The following ADAMTSL1 variants were observed in gnomAD, a reference collection of about 807,000 sequenced individuals.
ADAMTSL1 encodes the protein ADAMTS like 1, also known as ADAMTS-like protein 1.
Under a neutral mutation model 201.8 loss-of-function variants are expected in ADAMTSL1, and 126 were observed. The ratio of observed to expected loss-of-function variants is 0.62; its 90% confidence interval spans 0.54 to 0.72. The LOEUF is 0.72. Among genes scored for constraint, ADAMTSL1 ranks in the 30% least tolerant of loss-of-function variants. The pLI is 0.00. For synonymous variants in ADAMTSL1, 1,121 were observed against 903.4 expected (o/e 1.24, Z -4.32); for missense variants, 2,679 against 2,277.8 (o/e 1.18, Z -3.59).
chr9:18,227,342 T>A (rs1416538300), intron 2 of ADAMTSL1, among the ~76,000 whole-genome samples: 1 of 152,156 alleles, frequency 6.6e-6, no homozygotes, highest in African/African-American at 2.4e-5. Context: ...CAGATTCTCA[T>A]CTTAGTGGGA....
At chr9:18,119,408 C>A (rs915621735) in intron 1 of ADAMTSL1, among the ~76,000 whole-genome samples, 3 of 152,024 alleles carry the variant, frequency 2.0e-5, no homozygotes, top group African/African-American at 7.2e-5. Flanking sequence ...TTCTCCTATT[C>A]TCCTGCCTCA....
chr9:18,700,816 A>G lies in ADAMTSL1; in HGVS notation c.1575-5931A>G, dbSNP rs567541897. Among the ~76,000 whole-genome samples, 6 of 152,322 alleles carry G rather than the reference A, an allele frequency of 3.9e-5. No homozygotes were observed. The South Asian group carries it at 6.2e-4, about 16-fold the overall frequency. ...ATCCCTCTGTGGCCACTTGTTAATG[A>G]TAAGATTTTTAAAAGGGAAAATCCA... is the stretch of plus-strand genomic sequence containing the variant. On this transcript the variant is annotated intron_variant, in intron 13 of 28. Coordinates refer to ENST00000380548, the MANE Select transcript of ADAMTSL1 (RefSeq NM_001040272.6).
intron 23 of ADAMTSL1, among the ~76,000 whole-genome samples, chr9:18,870,793 C>T (rs1028475988): frequency 6.6e-6 from 1 of 151,876 alleles, no homozygotes; most frequent in Admixed American, 6.6e-5. Flanking sequence ...AATTGTTTTT[C>T]TCGGGGTTTG....
At chr9:18,085,458 T>A (rs1823706907) in intron 1 of ADAMTSL1, among the ~76,000 whole-genome samples, 1 of 94,656 alleles carries the variant, frequency 1.1e-5, no homozygotes, top group South Asian at 3.5e-4. Flanking sequence ...GTACCATATA[T>A]ACACAAATAC....
chr9:18,427,158 T>A (rs759372873), intron 2 of ADAMTSL1, among the ~76,000 whole-genome samples: 8 of 152,212 alleles, frequency 5.3e-5, no homozygotes, highest in Admixed American at 1.3e-4. Flanking sequence ...GAAAAACTTG[T>A]CATGAAATAA....
rs74415255 is a variant in ADAMTSL1 at position 18,627,330 on chromosome 9, A to T, written c.601+4961A>T. ...TTATCAGTGAGTAGTGGTATTTCATACTTGTTTTTATTTGCATTTTCCTAA... is the reference window on the plus strand; with the variant it reads ...TTATCAGTGAGTAGTGGTATTTCATTCTTGTTTTTATTTGCATTTTCCTAA... On this transcript the variant is annotated intron_variant, in intron 5 of 28. Coordinates refer to ENST00000380548, the MANE Select transcript of ADAMTSL1 (RefSeq NM_001040272.6). Among the ~76,000 whole-genome samples, 727 of 152,272 alleles carry T rather than the reference A, an allele frequency of 4.8e-3. 9 individuals carry two copies. Among genetic ancestry groups the T allele is most frequent in the African/African-American group, 0.017 (691 of 41,552 alleles).
intron 20 of ADAMTSL1, among the ~76,000 whole-genome samples, chr9:18,801,815 G>T (rs748867240): frequency 1.1e-4 from 17 of 152,162 alleles, no homozygotes; most frequent in Non-Finnish European, 2.1e-4. Context: ...TGTGAAGAGT[G>T]CTGCAGTGAA....
chr9:18,492,801 A>C (rs778942751), intron 1 of ADAMTSL1, among the ~76,000 whole-genome samples: 1 of 152,246 alleles, frequency 6.6e-6, no homozygotes, highest in Non-Finnish European at 1.5e-5. Flanking sequence ...GGAAGTGACT[A>C]ATCTGAGGCA....
At chr9:18,094,531 C>A (rs1824158919) in intron 1 of ADAMTSL1, among the ~76,000 whole-genome samples, 1 of 152,164 alleles carries the variant, frequency 6.6e-6, no homozygotes, top group Admixed American at 6.5e-5. Context: ...CTGTGCCTGG[C>A]CCTCTGATTT....
intron 1 of ADAMTSL1, among the ~76,000 whole-genome samples, chr9:17,929,873 C>T (rs925111055): frequency 4.6e-5 from 7 of 152,112 alleles, no homozygotes; most frequent in African/African-American, 1.7e-4. Context: ...TGTTATACGT[C>T]TGCCATCCCC....
At chr9:18,218,641 T>C (rs1336252885) in intron 2 of ADAMTSL1, among the ~76,000 whole-genome samples, 1 of 152,160 alleles carries the variant, frequency 6.6e-6, no homozygotes, top group East Asian at 1.9e-4. Context: ...TATTGATTTA[T>C]ATGCATTCTT....
intron 23 of ADAMTSL1, among the ~76,000 whole-genome samples, chr9:18,878,728 T>G (rs1296821269): frequency 3.9e-5 from 6 of 152,250 alleles, no homozygotes. Flanking sequence ...TGGTAGTTCT[T>G]GGAGCAGAAA....
intron 1 of ADAMTSL1, among the ~76,000 whole-genome samples, chr9:17,994,643 T>C (rs1819298733): frequency 6.6e-6 from 1 of 152,156 alleles, no homozygotes; most frequent in Admixed American, 6.6e-5. Context: ...GTATTTAAGA[T>C]AAAGTTAACA....
intron 1 of ADAMTSL1, among the ~76,000 whole-genome samples, chr9:18,008,064 T>G (rs1819904942): frequency 6.6e-6 from 1 of 152,030 alleles, no homozygotes; most frequent in Admixed American, 6.6e-5. Flanking sequence ...ATGATAACAC[T>G]GCATTGGTAA....
intron 14 of ADAMTSL1, among the ~76,000 whole-genome samples, chr9:18,717,536 G>A (rs897523275): frequency 2.4e-4 from 36 of 152,110 alleles, no homozygotes; most frequent in Admixed American, 2.0e-4. Context: ...AAGAAGCAAA[G>A]TCATCTAGAG....
chr9:17,985,760 A>G (rs1050126178), intron 1 of ADAMTSL1, among the ~76,000 whole-genome samples: 3 of 152,156 alleles, frequency 2.0e-5, no homozygotes, highest in Non-Finnish European at 4.4e-5. Context: ...AATGAGCAAA[A>G]TAAGATTCAT....
At chr9:18,399,435 G>A (rs1817896778) in intron 2 of ADAMTSL1, among the ~76,000 whole-genome samples, 1 of 150,838 alleles carries the variant, frequency 6.6e-6, no homozygotes, top group East Asian at 2.0e-4. Flanking sequence ...CGCCTCCCGG[G>A]TTCAAGCGAT....
intron 2 of ADAMTSL1, among the ~76,000 whole-genome samples, chr9:18,295,023 C>G (rs1344647448): frequency 1.3e-5 from 2 of 152,094 alleles, no homozygotes; most frequent in African/African-American, 4.8e-5. Flanking sequence ...CTGTCTCTCC[C>G]TTCTCCTCCC....
chr9:18,887,288 G>A (rs1828956875), intron 23 of ADAMTSL1, among the ~76,000 whole-genome samples: 1 of 152,198 alleles, frequency 6.6e-6, no homozygotes, highest in Non-Finnish European at 1.5e-5. Context: ...CTTGGCAAAA[G>A]CCTTCAGAAG....
Sources: allele counts gnomAD v4.1 joint callset (sites outside exome capture counted in the v4.1 genomes callset), GRCh38; gene constraint gnomAD v4.1.1; transcripts MANE v1.5; gene names NCBI Gene and HGNC (gene_info 2026-07-23, HGNC 2026-07-21).